The following RAB15 variants were observed in gnomAD, a reference collection of about 807,000 sequenced individuals.
RAB15 encodes the protein ras-related protein Rab-15.
In RAB15, 13 loss-of-function variants were observed where a neutral mutation model predicts 31.8. The ratio of observed to expected loss-of-function variants is 0.41; its 90% CI spans 0.27 to 0.65. The LOEUF is 0.65. RAB15 is among the 30% of genes least tolerant of loss of function. The probability of loss-of-function intolerance (pLI) is 0.32; values close to 1 mark genes in which losing one functional copy is unlikely to be tolerated. For missense variants in RAB15, 220 were observed against 277.3 expected (o/e 0.79, Z 1.47); for synonymous variants, 100 against 105.6 (o/e 0.95, Z 0.33).
At chr14:64,961,652 A>C (rs1886865300) in intron 1 of RAB15, among the ~76,000 whole-genome samples, 1 of 152,192 alleles carries the variant, frequency 6.6e-6, no homozygotes, top group Non-Finnish European at 1.5e-5. Context: ...TCACACCTGT[A>C]AACCCAGCAC....
At position 64,958,309 on chromosome 14, in the gene RAB15, A is replaced by T. The variant is rs1886687498; in HGVS notation, c.125-5738T>A. 1 of 152,264 alleles carries T rather than the reference A, an allele frequency of 6.6e-6. No homozygotes were observed. The highest frequency in any genetic ancestry group is 2.4e-5 in the African/African-American group (1 of 41,436). 9.4% of individuals were successfully genotyped at this position (152,264 alleles called of 1,614,324 possible). A position where few individuals can be genotyped will look rare whatever the true frequency, so the allele number is the denominator to read the frequency against. On this transcript the variant is annotated intron_variant, in intron 1 of 6. Coordinates refer to ENST00000533601, the MANE Select transcript of RAB15 (RefSeq NM_001308154.2). This position sits in a 1 kb window ranked among gnomAD's most constrained non-coding sequence, Gnocchi z 4.4. Reference sequence around the variant, plus strand: ...TGGGAGGTGACTCAGTCGTGATGTTAGAGCCCTCATGCATGGGACTAACGC... The same window carrying T: ...TGGGAGGTGACTCAGTCGTGATGTTTGAGCCCTCATGCATGGGACTAACGC...
At chr14:64,967,600 A>T (rs1887205615) in intron 1 of RAB15, among the ~76,000 whole-genome samples, 1 of 148,904 alleles carries the variant, frequency 6.7e-6, no homozygotes, top group Non-Finnish European at 1.5e-5. Context: ...AAAAAAAAAT[A>T]GAAAAGAAAA....
chr14:64,948,439 C>T lies in RAB15; in HGVS notation c.554G>A (p.Ser185Asn). The T allele has an allele frequency of 1.2e-6, 2 of 1,613,896 alleles. No individual in the cohort carries two copies. The highest frequency in any genetic ancestry group is 1.7e-6 in the Non-Finnish European group (2 of 1,179,902). Residue 185 changes from serine to asparagine, a missense_variant, in exon 7 of 7, where the codon AGC (serine) becomes AAC (asparagine). By Grantham distance (46) the Ser-to-Asn change is conservative. Coordinates refer to ENST00000533601, the MANE Select transcript of RAB15 (RefSeq NM_001308154.2). The surrounding 1 kb of genome is among the most constrained non-coding windows in gnomAD (Gnocchi z 7.0). ...KELEGLRMRA[S>N]NELALAELEE... ...CAGCTCTGCCAGTGCCAACTCATTG[C>T]TGGCACGCATCCGGAGGCCTTCCAG...
At chr14:64,969,647 G>A (rs1048288364) in intron 1 of RAB15, among the ~76,000 whole-genome samples, 3 of 152,188 alleles carry the variant, frequency 2.0e-5, no homozygotes, top group Non-Finnish European at 4.4e-5. Context: ...AGAAGCGGAG[G>A]AAGAAATCTG....
rs1352506579 is a variant in RAB15 at position 64,971,781 on chromosome 14, C to T, written c.124+172G>A. ...GTCCGGACGGCAGGCAGCAGGGACACCCTCACCTGCCAAAACCTATGCTCA... is the reference window on the plus strand; with the variant it reads ...GTCCGGACGGCAGGCAGCAGGGACATCCTCACCTGCCAAAACCTATGCTCA... On this transcript the variant is annotated intron_variant, in intron 1 of 6. Transcript: ENST00000533601. This position sits in a 1 kb window ranked among gnomAD's most constrained non-coding sequence, Gnocchi z 4.1. 9.4e-6 allele frequency: 6 copies of T among 636,114 alleles called. No homozygotes were observed. Among genetic ancestry groups the T allele is most frequent in the South Asian group, 7.8e-5 (4 of 51,430 alleles). The allele number at this position is 636,114 out of a possible 1,614,324, so 39.4% of individuals were successfully genotyped here. A position where few individuals can be genotyped will look rare whatever the true frequency, so the allele number is the denominator to read the frequency against.
chr14:64,961,772 G>T (rs546075312), intron 1 of RAB15, among the ~76,000 whole-genome samples: 1 of 152,260 alleles, frequency 6.6e-6, no homozygotes, highest in African/African-American at 2.4e-5. Context: ...AGCCAGGTGT[G>T]GTGGTATATA....
At chr14:64,956,899 G>C (rs1162892557) in intron 1 of RAB15, among the ~76,000 whole-genome samples, 1 of 151,578 alleles carries the variant, frequency 6.6e-6, no homozygotes, top group African/African-American at 2.4e-5. Flanking sequence ...CACTTACTGT[G>C]TAACTTCAGG....
chr14:64,964,012 C>T (rs1414271526), intron 1 of RAB15, among the ~76,000 whole-genome samples: 1 of 152,214 alleles, frequency 6.6e-6, no homozygotes, highest in Non-Finnish European at 1.5e-5. Flanking sequence ...CCCAGCTACA[C>T]TGTAAGCTCC....
rs1217440909 is a variant in RAB15 at position 64,955,428 on chromosome 14, G to A, written c.125-2857C>T. Among the ~76,000 whole-genome samples, 1 of 152,162 alleles carries A rather than the reference G, an allele frequency of 6.6e-6. No homozygotes were observed. The highest frequency in any genetic ancestry group is 2.1e-4 in the South Asian group (1 of 4,830). On this transcript the variant is annotated intron_variant, in intron 1 of 6. Coordinates refer to ENST00000533601, the MANE Select transcript of RAB15 (RefSeq NM_001308154.2). This position sits in a 1 kb window ranked among gnomAD's most constrained non-coding sequence, Gnocchi z 4.4. The stretch of plus-strand genomic sequence containing the variant: ...CTTCCCTCTCCCTGCGTGGCTGTTG[G>A]TTTTTTCCACTGCTGAGCACTGCAG...
Position 64,952,441 on chromosome 14 carries a change from G to T in RAB15, c.185+70C>A. On this transcript the variant is annotated intron_variant, in intron 2 of 6. Transcript: ENST00000533601. The surrounding 1 kb of genome is among the most constrained non-coding windows in gnomAD (Gnocchi z 4.2). ...GTGAAGCCTAGGAATTTTACACATG[G>T]CAGGGGCAGCTAAGGAGCAGCCAGA... 8.5e-7 allele frequency: 1 copy of T among 1,169,672 alleles called. No individual in the cohort carries two copies. Among genetic ancestry groups the T allele is most frequent in the Non-Finnish European group, 1.3e-6 (1 of 784,964 alleles). The allele number at this position is 1,169,672 out of a possible 1,614,324, so 72.5% of individuals were successfully genotyped here.
rs778548277 is a variant in RAB15 at position 64,948,362 on chromosome 14, A to G, written c.631T>C (p.Trp211Arg). The G allele has an allele frequency of 1.3e-6, 2 of 1,570,790 alleles. No homozygotes were observed. The highest frequency in any genetic ancestry group is 2.4e-5 in the South Asian group (2 of 84,460). ...EGPANSSKTC[W>R]C is the part of the protein sequence containing the mutation. Reference sequence around the variant, plus strand: ...GGTGCCCCACACAGGACTCAGCACCAGCAGGTTTTCGAAGAGTTCGCTGGG... The same window carrying G: ...GGTGCCCCACACAGGACTCAGCACCGGCAGGTTTTCGAAGAGTTCGCTGGG... Residue 211 changes from tryptophan (W) to arginine (R), a missense_variant, in exon 7 of 7, where the codon TGG becomes CGG. Trp to Arg is a moderately radical substitution (Grantham distance 101). Transcript: ENST00000533601. This position sits in a 1 kb window ranked among gnomAD's most constrained non-coding sequence, Gnocchi z 7.0.
Position 64,950,876 on chromosome 14 carries a change from G to T in RAB15, c.324+198C>A. The T allele has an allele frequency of 9.7e-7, 1 of 1,036,168 alleles. No homozygotes were observed. Among genetic ancestry groups the T allele is most frequent in the Non-Finnish European group, 1.5e-6 (1 of 688,526 alleles). 64.2% of individuals were successfully genotyped at this position (1,036,168 alleles called of 1,614,324 possible). A position where few individuals can be genotyped will look rare whatever the true frequency, so the allele number is the denominator to read the frequency against. ...TCATTTCCGGGAAAGACACAGCCGTGGAGGCCTGGCAGGGTATAGAGAGTG... is the reference window on the plus strand; with the variant it reads ...TCATTTCCGGGAAAGACACAGCCGTTGAGGCCTGGCAGGGTATAGAGAGTG... On this transcript the variant is annotated intron_variant, in intron 4 of 6. Coordinates refer to ENST00000533601, the MANE Select transcript of RAB15 (RefSeq NM_001308154.2). The surrounding 1 kb of genome is among the most constrained non-coding windows in gnomAD (Gnocchi z 5.6).
At chr14:64,965,038 T>C (rs1299454638) in intron 1 of RAB15, among the ~76,000 whole-genome samples, 2 of 152,236 alleles carry the variant, frequency 1.3e-5, no homozygotes, top group African/African-American at 4.8e-5. Flanking sequence ...CTCCAACTCT[T>C]GGGCTCAAGC....
Position 64,972,097 on chromosome 14 carries a change from G to C in RAB15, c.-21C>G. 6.3e-7 allele frequency: 1 copy of C among 1,580,748 alleles called. No individual in the cohort carries two copies. Reference sequence around the variant, plus strand: ...GCCATGACTGGGGCCAGCGGGGCCGGGAACTGCGGGCGGGCAGCGGGCTCA... The same window carrying C: ...GCCATGACTGGGGCCAGCGGGGCCGCGAACTGCGGGCGGGCAGCGGGCTCA... On this transcript the variant is annotated 5_prime_UTR_variant, in exon 1 of 7. Coordinates refer to ENST00000533601, the MANE Select transcript of RAB15 (RefSeq NM_001308154.2). This position sits in a 1 kb window ranked among gnomAD's most constrained non-coding sequence, Gnocchi z 6.3.
In RAB15 at chr14:64,945,984, C is replaced by G. The variant is rs1472512452; in HGVS notation, c.*2370G>C. ...CCTGGGGCTGGATGGAGTCTCAAGA[C>G]AGCAGGTGCAGAGGTGGTGACGAGT... On this transcript the variant is annotated 3_prime_UTR_variant, in exon 7 of 7. Coordinates refer to ENST00000533601, the MANE Select transcript of RAB15 (RefSeq NM_001308154.2). 1.3e-5 allele frequency: 2 copies of G among 152,672 alleles called. No homozygotes were observed. The highest frequency in any genetic ancestry group is 4.8e-5 in the African/African-American group (2 of 41,428). The allele number at this position is 152,672 out of a possible 1,614,324, so 9.5% of individuals were successfully genotyped here.
At position 64,950,526 on chromosome 14, in the gene RAB15, A is replaced by G. The variant is rs1886191624; in HGVS notation, c.325-112T>C. 9.8e-6 allele frequency: 9 copies of G among 915,908 alleles called. No homozygotes were observed. The South Asian group carries it at 1.2e-4, about 12-fold the overall frequency. The allele number at this position is 915,908 out of a possible 1,614,324, so 56.7% of individuals were successfully genotyped here. ...CCACCAATTCCAGAGCCCTAGGGAC[A>G]GGGTGGGCCGACTGGATGCAGGTGC... On this transcript the variant is annotated intron_variant, in intron 4 of 6. Transcript: ENST00000533601. The surrounding 1 kb of genome is among the most constrained non-coding windows in gnomAD (Gnocchi z 5.6).
chr14:64,950,197 C>T lies in RAB15; in HGVS notation c.414+128G>A, dbSNP rs377366756. The T allele has an allele frequency of 1.3e-6, 1 of 792,904 alleles. No homozygotes were observed. The highest frequency in any genetic ancestry group is 1.8e-5 in the Admixed American group (1 of 56,780). The allele number at this position is 792,904 out of a possible 1,614,324, so 49.1% of individuals were successfully genotyped here. On this transcript the variant is annotated intron_variant, in intron 5 of 6. Coordinates refer to ENST00000533601, the MANE Select transcript of RAB15 (RefSeq NM_001308154.2). The surrounding 1 kb of genome is among the most constrained non-coding windows in gnomAD (Gnocchi z 5.6). ...CCGAGGATGGCCACTCCCCCAGGGC[C>T]TTGGGGTGCTGGGGACGTGTGGGAG...
chr14:64,964,056 C>G (rs1419329294), intron 1 of RAB15, among the ~76,000 whole-genome samples: 1 of 152,158 alleles, frequency 6.6e-6, no homozygotes, highest in Non-Finnish European at 1.5e-5. Flanking sequence ...TCACTTCAGA[C>G]TCTCACTGCC....
In RAB15 at chr14:64,951,347, C is replaced by T. The variant is rs1479571606; in HGVS notation, c.247-196G>A. The stretch of plus-strand genomic sequence containing the variant: ...CACAGAACTCTCTACAGCAGGAAGA[C>T]ACCACATGCTTTGACCTGGATCTTT... On this transcript the variant is annotated intron_variant, in intron 3 of 6. Transcript: ENST00000533601. This position sits in a 1 kb window ranked among gnomAD's most constrained non-coding sequence, Gnocchi z 7.2. 6.6e-6 allele frequency among the ~76,000 whole-genome samples: 1 copy of T among 152,184 alleles called. No individual in the cohort carries two copies. Among genetic ancestry groups the T allele is most frequent in the Non-Finnish European group, 1.5e-5 (1 of 68,024 alleles).
Sources: gnomAD v4.1 joint callset for allele counts (sites outside exome capture counted in the v4.1 genomes callset) on GRCh38, gnomAD v4.1.1 for gene constraint, Gnocchi (gnomAD v3.1) non-coding constraint, MANE v1.5 for transcripts, NCBI Gene and HGNC (gene_info 2026-07-23, HGNC 2026-07-21) for gene names.